Variants in ATF7IP observed in about 807,000 individuals in gnomAD.
The protein encoded by ATF7IP is activating transcription factor 7 interacting protein.
A neutral mutation model predicts 106.4 loss-of-function variants in ATF7IP; 23 were observed. That is an observed-to-expected ratio of 0.22 (90% CI 0.16 to 0.31). The LOEUF is 0.31. ATF7IP is among the 10% of genes least tolerant of loss of function. ATF7IP has a pLI of 1.00. For missense variants in ATF7IP, 1,334 were observed against 1,524.3 expected (o/e 0.88, Z 2.08); for synonymous variants, 542 against 539.0 (o/e 1.01, Z -0.08).
At chr12:14,472,202 T>C (rs1232537823) in intron 10 of ATF7IP, among the ~76,000 whole-genome samples, 3 of 152,156 alleles carry the variant, frequency 2.0e-5, no homozygotes, top group Admixed American at 6.5e-5. Flanking sequence ...TAATTAGTAG[T>C]GTTTTATGCT....
chr12:14,377,657 A>G (rs1396963136), intron 1 of ATF7IP, among the ~76,000 whole-genome samples: 1 of 149,124 alleles, frequency 6.7e-6, no homozygotes, highest in Non-Finnish European at 1.5e-5. Context: ...TCTGTCACCC[A>G]CGTTGGAGTG....
At chr12:14,494,200 C>G (rs930508114) in intron 13 of ATF7IP, among the ~76,000 whole-genome samples, 1 of 147,906 alleles carries the variant, frequency 6.8e-6, no homozygotes. Context: ...TGAAAGAACT[C>G]CATCCTTAAT....
chr12:14,443,812 A>T (rs1942823090), intron 5 of ATF7IP, among the ~76,000 whole-genome samples: 2 of 152,294 alleles, frequency 1.3e-5, no homozygotes, highest in South Asian at 4.1e-4. Flanking sequence ...TGAAGAAGGA[A>T]ATATAGCAAC....
At chr12:14,416,244 G>A (rs1941201071) in intron 1 of ATF7IP, among the ~76,000 whole-genome samples, 1 of 150,062 alleles carries the variant, frequency 6.7e-6, no homozygotes, top group South Asian at 2.2e-4. Flanking sequence ...TTTCTAAAGA[G>A]GTTAGAAATT....
rs765908047 is a variant in ATF7IP at position 14,460,480 on chromosome 12, G to C, written c.2159-15G>C. The C allele has an allele frequency of 5.7e-6, 9 of 1,590,952 alleles. No homozygotes were observed. In the East Asian group the frequency reaches 9.0e-5, roughly 16 times the overall value. On this transcript the variant is annotated splice_polypyrimidine_tract_variant and intron_variant, in intron 8 of 14. Coordinates refer to ENST00000261168, the MANE Select transcript of ATF7IP (RefSeq NM_018179.5). Reference sequence around the variant, plus strand: ...TATAACCATTTAAACTGAGGCTTCTGTTTTCTTTCTATAGTATCTTCAACC... The same window carrying C: ...TATAACCATTTAAACTGAGGCTTCTCTTTTCTTTCTATAGTATCTTCAACC...
At chr12:14,385,409 C>G in intron 1 of ATF7IP, 1 of 1,532,060 alleles carries the variant, frequency 6.5e-7, no homozygotes, top group South Asian at 1.2e-5. Context: ...AGGTAAGAAC[C>G]AATTACTCTT....
chr12:14,394,472 A>G (rs1939731205), intron 1 of ATF7IP, among the ~76,000 whole-genome samples: 1 of 152,180 alleles, frequency 6.6e-6, no homozygotes, highest in African/African-American at 2.4e-5. Flanking sequence ...ATAACTAGAT[A>G]TATTCTAGAA....
chr12:14,456,774 T>C, intron 7 of ATF7IP, 140 bp downstream of exon 7: 1 of 622,358 alleles, frequency 1.6e-6, no homozygotes, highest in East Asian at 2.8e-5. Context: ...TATTTTCTTT[T>C]TCTGCTTCAT....
Position 14,457,263 on chromosome 12 carries a change from C to T in ATF7IP, c.2126C>T (p.Ala709Val), listed in dbSNP as rs755030782. The stretch of plus-strand genomic sequence containing the variant: ...TCCAAAAGAAATGTAAGCGAGAGTG[C>T]ACCACCATCCTTTCAAACTCCTGTG... ...LESKRNVSESAPPSFQTPVNT... is the reference protein window; with the variant it reads ...LESKRNVSESVPPSFQTPVNT... The change falls in exon 8 of 15, where the codon GCA becomes GTA. Residue 709 changes from alanine to valine, a missense_variant. Physicochemically the swap from Ala to Val is moderately conservative, Grantham distance 64. Transcript: ENST00000261168. 2.5e-6 allele frequency: 4 copies of T among 1,612,506 alleles called. No individual in the cohort carries two copies. The African/African-American group carries it at 5.3e-5, about 22-fold the overall frequency.
intron 10 of ATF7IP, among the ~76,000 whole-genome samples, 178 bp downstream of exon 10, chr12:14,466,768 C>T (rs1282736537): frequency 1.3e-5 from 2 of 151,970 alleles, no homozygotes; most frequent in Non-Finnish European, 2.9e-5. Flanking sequence ...TGTGTTTTGT[C>T]TTGTTTTGTT....
intron 11 of ATF7IP, 122 bp downstream of exon 11, chr12:14,476,090 T>C: frequency 2.6e-6 from 2 of 764,842 alleles, no homozygotes; most frequent in Non-Finnish European, 4.3e-6. Flanking sequence ...GTGTTCTTTT[T>C]GGAATGGAAG....
intron 2 of ATF7IP, among the ~76,000 whole-genome samples, chr12:14,429,787 C>T (rs538834876): frequency 3.9e-5 from 6 of 152,302 alleles, no homozygotes; most frequent in African/African-American, 1.4e-4. Context: ...TACTTGGCTT[C>T]TCTTTGTGGA....
At chr12:14,487,455 C>G (rs1944659478) in intron 13 of ATF7IP, among the ~76,000 whole-genome samples, 1 of 152,208 alleles carries the variant, frequency 6.6e-6, no homozygotes, top group Admixed American at 6.5e-5. Context: ...TACCTGGCAA[C>G]TGCCTCAGAG....
chr12:14,480,915 A>G (rs1179013212), intron 12 of ATF7IP, 88 bp from the exon 13 acceptor site: 1 of 1,190,124 alleles, frequency 8.4e-7, no homozygotes, highest in East Asian at 2.4e-5. Flanking sequence ...AGTTAATTAG[A>G]TTTTATGCAA....
At chr12:14,430,353 A>G (rs1237061285) in intron 2 of ATF7IP, among the ~76,000 whole-genome samples, 2 of 152,182 alleles carry the variant, frequency 1.3e-5, no homozygotes, top group East Asian at 3.8e-4. Flanking sequence ...TGAATGGTGG[A>G]GTGGAAAACC....
At chr12:14,386,446 T>A (rs1939245331) in intron 1 of ATF7IP, among the ~76,000 whole-genome samples, 1 of 152,154 alleles carries the variant, frequency 6.6e-6, no homozygotes. Context: ...CCGTAGAGTA[T>A]TAAGAATATA....
rs3083699 is a variant in ATF7IP, at chr12:14,401,714, CTTTTTTTTT to C, written c.-7-22182_-7-22174del. Reference sequence around the variant, plus strand: ...AGCATTGTTTCACTTAGAGATTAAGCTTTTTTTTTTTTTTTTTTTTTGATATGGAATCTC... The same window carrying C: ...AGCATTGTTTCACTTAGAGATTAAGCTTTTTTTTTTTTGATATGGAATCTC... On this transcript the variant is annotated intron_variant, in intron 1 of 14. Transcript: ENST00000261168. 7.8e-5 allele frequency among the ~76,000 whole-genome samples: 6 copies of C among 76,880 alleles called. No individual in the cohort carries two copies. In the South Asian group the frequency reaches 2.1e-3, roughly 26 times the overall value. The allele number at this position is 76,880 out of a possible 152,430, so 50.4% of individuals were successfully genotyped here. A position where few individuals can be genotyped will look rare whatever the true frequency, so the allele number is the denominator to read the frequency against.
At chr12:14,366,061 C>A (rs779939035) in intron 1 of ATF7IP, among the ~76,000 whole-genome samples, 2 of 152,214 alleles carry the variant, frequency 1.3e-5, no homozygotes, top group Non-Finnish European at 2.9e-5. Context: ...TTTTCAAGAT[C>A]TAATGTTCTT....
rs546907252 is a variant in ATF7IP, at chr12:14,494,535, CTT to C, written c.3281-1695_3281-1694del. Among the ~76,000 whole-genome samples, 179 of 145,304 alleles carry C rather than the reference CTT, an allele frequency of 1.2e-3. 1 individual carries two copies. Among genetic ancestry groups the C allele is most frequent in the African/African-American group, 4.4e-3 (174 of 39,882 alleles). On this transcript the variant is annotated intron_variant, in intron 13 of 14. Transcript: ENST00000261168. ...ATCCTACTATATATATACAGTATAT[CTT>C]AATTATATATAAATATTAAATATAT...
Sources: gnomAD v4.1 joint callset for allele counts (sites outside exome capture counted in the v4.1 genomes callset) on GRCh38, gnomAD v4.1.1 for gene constraint, MANE v1.5 for transcripts, NCBI Gene and HGNC (gene_info 2026-07-23, HGNC 2026-07-21) for gene names.